Variants in ADGRL3 observed in about 807,000 individuals in gnomAD.
ADGRL3 encodes the protein calcium-independent alpha-latrotoxin receptor 3.
A neutral mutation model predicts 153.5 loss-of-function variants in ADGRL3; 62 were observed. The observed-to-expected ratio is 0.40, with a 90% CI of 0.33 to 0.50. The LOEUF (loss-of-function observed/expected upper bound fraction) is 0.50, where lower values mean the gene tolerates loss of function less well. ADGRL3 is among the 20% of genes least tolerant of loss of function. The pLI is 0.47. For missense variants in ADGRL3, 1,641 were observed against 1,859.4 expected, an observed-to-expected ratio of 0.88 and a Z score of 2.16; for synonymous variants, 710 against 672.5, an observed-to-expected ratio of 1.06 and a Z score of -0.86.
chr4:61,982,522 T>G (rs2099072084), intron 18 of ADGRL3, among the ~76,000 whole-genome samples: 1 of 152,198 alleles, frequency 6.6e-6, no homozygotes, highest in Non-Finnish European at 1.5e-5. Context: ...TTTGTTGACC[T>G]TTTCTAGTAG....
chr4:61,692,401 A>G (rs1172934903), intron 6 of ADGRL3, among the ~76,000 whole-genome samples: 1 of 151,230 alleles, frequency 6.6e-6, no homozygotes, highest in Non-Finnish European at 1.5e-5. Context: ...TCTGCCTTCT[A>G]ATTGGTCACT....
At chr4:61,651,709 G>A (rs929074076) in intron 5 of ADGRL3, among the ~76,000 whole-genome samples, 3 of 151,434 alleles carry the variant, frequency 2.0e-5, no homozygotes, top group African/African-American at 7.3e-5. Flanking sequence ...CTGTGTTCAA[G>A]CAATTCCCTC....
At chr4:62,020,234 T>G (rs1343213424) in intron 21 of ADGRL3, among the ~76,000 whole-genome samples, 1 of 152,116 alleles carries the variant, frequency 6.6e-6, no homozygotes, top group Non-Finnish European at 1.5e-5. Flanking sequence ...TTGGCAAGGA[T>G]TACAAAAAGT....
At chr4:61,295,878 C>T (rs974873875) in intron 1 of ADGRL3, among the ~76,000 whole-genome samples, 1 of 151,732 alleles carries the variant, frequency 6.6e-6, no homozygotes, top group African/African-American at 2.4e-5. Context: ...GAGGCTGAAG[C>T]AGGAAGATCG....
chr4:61,317,602 T>C (rs2095253031), intron 1 of ADGRL3, among the ~76,000 whole-genome samples: 1 of 152,124 alleles, frequency 6.6e-6, no homozygotes. Flanking sequence ...TTTGGTACTT[T>C]TTTGAAGGAC....
chr4:61,467,583 T>C (rs1437220747), intron 2 of ADGRL3, among the ~76,000 whole-genome samples: 1 of 151,994 alleles, frequency 6.6e-6, no homozygotes, highest in Non-Finnish European at 1.5e-5. Flanking sequence ...AAAAACTGTG[T>C]CCATGAAAAG....
At chr4:61,719,818 G>A (rs2151618563) in intron 6 of ADGRL3, among the ~76,000 whole-genome samples, 1 of 151,792 alleles carries the variant, frequency 6.6e-6, no homozygotes, top group South Asian at 2.1e-4. Flanking sequence ...GGCCAGGCTG[G>A]TCTTGAACTC....
chr4:61,450,258 A>G (rs919197273), intron 2 of ADGRL3, among the ~76,000 whole-genome samples: 56 of 152,326 alleles, frequency 3.7e-4, no homozygotes, highest in African/African-American at 1.3e-3. Context: ...ATTTCACTAT[A>G]GTTTTAAAAA....
chr4:61,521,133 A>T (rs1485060456), intron 4 of ADGRL3, among the ~76,000 whole-genome samples: 1 of 152,190 alleles, frequency 6.6e-6, no homozygotes, highest in Admixed American at 6.5e-5. Context: ...GGGTGAGAAT[A>T]AAGTTCTGTG....
At chr4:61,975,229 G>A (rs1431033873) in intron 17 of ADGRL3, among the ~76,000 whole-genome samples, 5 of 152,124 alleles carry the variant, frequency 3.3e-5, no homozygotes, top group Non-Finnish European at 7.4e-5. Flanking sequence ...ATACGGAAAA[G>A]GGGTCTGTAT....
intron 1 of ADGRL3, among the ~76,000 whole-genome samples, chr4:61,261,400 A>G (rs906249053): frequency 6.6e-6 from 1 of 151,428 alleles, no homozygotes; most frequent in African/African-American, 2.4e-5. Context: ...CATTTTTTTC[A>G]TTTGAGTGGG....
chr4:61,269,548 AT>A (rs1456265327), intron 1 of ADGRL3, among the ~76,000 whole-genome samples: 2 of 151,490 alleles, frequency 1.3e-5, no homozygotes, highest in East Asian at 1.9e-4. Flanking sequence ...CTGATTTGTG[AT>A]TTTTTTGGAA....
At chr4:61,281,360 C>A (rs1246185905) in intron 1 of ADGRL3, among the ~76,000 whole-genome samples, 1 of 152,108 alleles carries the variant, frequency 6.6e-6, no homozygotes, top group African/African-American at 2.4e-5. Context: ...CACAATATTT[C>A]TCTGACCTAA....
intron 5 of ADGRL3, among the ~76,000 whole-genome samples, chr4:61,654,489 G>T (rs1032417718): frequency 1.3e-5 from 2 of 151,400 alleles, no homozygotes; most frequent in Non-Finnish European, 2.9e-5. Flanking sequence ...AATGTTAAAA[G>T]GATTTTAACA....
At chr4:62,049,929 C>T (rs1194143383) in intron 25 of ADGRL3, among the ~76,000 whole-genome samples, 1 of 152,076 alleles carries the variant, frequency 6.6e-6, no homozygotes, top group African/African-American at 2.4e-5. Flanking sequence ...TTGCTTACAG[C>T]AGGGCCTGGA....
At chr4:61,541,027 G>A (rs941816937) in intron 4 of ADGRL3, among the ~76,000 whole-genome samples, 4 of 152,200 alleles carry the variant, frequency 2.6e-5, no homozygotes, top group Admixed American at 2.6e-4. Context: ...GGAGCCAGAG[G>A]CTTGGTAAGC....
At chr4:61,386,056 G>A (rs942678847) in intron 2 of ADGRL3, among the ~76,000 whole-genome samples, 21 of 152,096 alleles carry the variant, frequency 1.4e-4, no homozygotes, top group African/African-American at 5.1e-4. Context: ...GTTTGAAAGG[G>A]TATTTTACTG....
intron 2 of ADGRL3, among the ~76,000 whole-genome samples, chr4:61,392,026 A>ATTT (rs373905840): frequency 2.9e-4 from 40 of 135,686 alleles, no homozygotes; most frequent in African/African-American, 1.0e-3. Context: ...CGACCGGCTA[A>ATTT]TTTTTTTTTT....
At chr4:61,611,863 T>C (rs2091400219) in intron 5 of ADGRL3, among the ~76,000 whole-genome samples, 1 of 152,058 alleles carries the variant, frequency 6.6e-6, no homozygotes, top group Non-Finnish European at 1.5e-5. Context: ...AAGGTTACAG[T>C]GAGCTATGAT....
Sources: allele counts gnomAD v4.1 joint callset (sites outside exome capture counted in the v4.1 genomes callset), GRCh38; gene constraint gnomAD v4.1.1; transcripts MANE v1.5; gene names NCBI Gene and HGNC (gene_info 2026-07-23, HGNC 2026-07-21).